Variants in RBFOX1 observed in about 807,000 individuals in gnomAD.
The protein encoded by RBFOX1 is RNA binding fox-1 homolog 1, also known as RNA binding protein fox-1 homolog 1.
RBFOX1 carries 8 observed loss-of-function variants against 57.7 expected under a neutral mutation model. That is an observed-to-expected ratio of 0.14 (90% CI 0.08 to 0.25). The LOEUF is 0.25. RBFOX1 is among the 10% of genes least tolerant of loss of function. The probability of loss-of-function intolerance (pLI) is 1.00; values close to 1 mark genes in which losing one functional copy is unlikely to be tolerated. For synonymous variants in RBFOX1, 326 were observed against 222.4 expected (o/e 1.47, Z -4.15); for missense variants, 611 against 548.5 (o/e 1.11, Z -1.14).
intron 4 of RBFOX1, among the ~76,000 whole-genome samples, chr16:7,200,903 A>T (rs1383045626): frequency 6.6e-6 from 1 of 152,194 alleles, no homozygotes; most frequent in South Asian, 2.1e-4. Context: ...TGTTCTAAGG[A>T]TAATGGAATA....
intron 3 of RBFOX1, among the ~76,000 whole-genome samples, chr16:5,663,000 C>G (rs2049708113): frequency 6.6e-6 from 1 of 152,092 alleles, no homozygotes; most frequent in African/African-American, 2.4e-5. Flanking sequence ...GGCAGGAGAG[C>G]AATTTTGCCT....
At chr16:6,854,507 C>A (rs1294919862) in intron 3 of RBFOX1, among the ~76,000 whole-genome samples, 1 of 151,400 alleles carries the variant, frequency 6.6e-6, no homozygotes, top group African/African-American at 2.4e-5. Context: ...TTGGGACTTT[C>A]TCTCAGGTTA....
chr16:5,353,984 C>G (rs1528322), intron 1 of RBFOX1, among the ~76,000 whole-genome samples: 120,061 of 151,976 alleles, frequency 0.79, 53,627 homozygotes, highest in East Asian at 1. Flanking sequence ...GGGCCACTAG[C>G]TCAGCTGGGG....
At chr16:5,695,027 C>T (rs748367625) in intron 3 of RBFOX1, among the ~76,000 whole-genome samples, 2 of 151,712 alleles carry the variant, frequency 1.3e-5, no homozygotes, top group Non-Finnish European at 2.9e-5. Flanking sequence ...TAAAACCATG[C>T]GACTTGAGAT....
At chr16:6,706,420 A>G (rs1282906740) in intron 3 of RBFOX1, among the ~76,000 whole-genome samples, 2 of 152,242 alleles carry the variant, frequency 1.3e-5, no homozygotes, top group Admixed American at 6.5e-5. Flanking sequence ...TTAATTTGGC[A>G]TGATAATTAG....
chr16:7,402,968 TCC>T (rs949131035), intron 4 of RBFOX1, among the ~76,000 whole-genome samples: 10 of 152,158 alleles, frequency 6.6e-5, no homozygotes, highest in Non-Finnish European at 1.3e-4. Flanking sequence ...TTGCAGTTTC[TCC>T]TCCAATCTGA....
intron 4 of RBFOX1, among the ~76,000 whole-genome samples, chr16:5,888,109 C>T (rs925817480): frequency 6.6e-6 from 1 of 152,208 alleles, no homozygotes; most frequent in Non-Finnish European, 1.5e-5. Flanking sequence ...CCTCTCAGAC[C>T]ACTTTCCACT....
At chr16:7,333,365 G>T (rs924764799) in intron 4 of RBFOX1, among the ~76,000 whole-genome samples, 10 of 152,178 alleles carry the variant, frequency 6.6e-5, no homozygotes, top group Admixed American at 1.3e-4. Context: ...TGACCACGGG[G>T]CAAAGGATTT....
intron 2 of RBFOX1, among the ~76,000 whole-genome samples, chr16:6,328,237 A>G (rs1266193251): frequency 6.6e-6 from 1 of 152,216 alleles, no homozygotes; most frequent in African/African-American, 2.4e-5. Flanking sequence ...ATGAGAATGC[A>G]AAGGCATAAG....
intron 4 of RBFOX1, among the ~76,000 whole-genome samples, chr16:7,362,717 G>A (rs1046398993): frequency 6.6e-6 from 1 of 152,116 alleles, no homozygotes; most frequent in Non-Finnish European, 1.5e-5. Context: ...GCATGCTAGT[G>A]TGTGCATGTT....
intron 1 of RBFOX1, among the ~76,000 whole-genome samples, chr16:5,370,223 A>G (rs921388916): frequency 5.9e-5 from 9 of 152,256 alleles, no homozygotes; most frequent in Admixed American, 2.0e-4. Flanking sequence ...GCAGAACCCA[A>G]TGGTGGGTCA....
intron 4 of RBFOX1, among the ~76,000 whole-genome samples, chr16:7,486,104 T>C (rs2065296815): frequency 6.7e-6 from 1 of 149,740 alleles, no homozygotes; most frequent in Non-Finnish European, 1.5e-5. Flanking sequence ...TGTGGGTATT[T>C]GTGTGTTTGT....
At chr16:6,897,839 T>C (rs921164475) in intron 3 of RBFOX1, among the ~76,000 whole-genome samples, 3 of 152,146 alleles carry the variant, frequency 2.0e-5, no homozygotes, top group Non-Finnish European at 4.4e-5. Context: ...TACAGAGCCC[T>C]GCAGTTTCTG....
intron 1 of RBFOX1, among the ~76,000 whole-genome samples, chr16:5,248,136 T>C (rs987550564): frequency 3.3e-5 from 5 of 152,206 alleles, no homozygotes; most frequent in African/African-American, 1.2e-4. Flanking sequence ...GCGCTGCCAC[T>C]CTGAGGGATG....
At chr16:7,208,068 C>A (rs1361554439) in intron 4 of RBFOX1, among the ~76,000 whole-genome samples, 1 of 152,194 alleles carries the variant, frequency 6.6e-6, no homozygotes, top group African/African-American at 2.4e-5. Context: ...AACATCAATC[C>A]TGCAACAGGG....
intron 2 of RBFOX1, among the ~76,000 whole-genome samples, chr16:5,534,223 G>A (rs777178618): frequency 6.6e-6 from 1 of 152,138 alleles, no homozygotes; most frequent in Non-Finnish European, 1.5e-5. Context: ...TGGGTGTTGG[G>A]ATTTGTCATC....
At position 6,519,853 on chromosome 16, in the gene RBFOX1, A is replaced by G. The variant is rs373555564; in HGVS notation, c.-63-134750A>G. On this transcript the variant is annotated intron_variant, in intron 2 of 15. Coordinates refer to ENST00000550418, the MANE Select transcript of RBFOX1 (RefSeq NM_018723.4). ...TTTCATAGGACTGAGGGTTAGCAAG[A>G]TGAAAGGACTTAACCAGAACTAAGG... is the stretch of plus-strand genomic sequence containing the variant. 9.2e-5 allele frequency among the ~76,000 whole-genome samples: 14 copies of G among 152,310 alleles called. No individual in the cohort carries two copies. The East Asian group carries it at 2.1e-3, about 23-fold the overall frequency.
intron 4 of RBFOX1, among the ~76,000 whole-genome samples, chr16:7,404,409 C>A (rs181180429): frequency 6.6e-6 from 1 of 152,148 alleles, no homozygotes; most frequent in Non-Finnish European, 1.5e-5. Flanking sequence ...AGGGACAGGC[C>A]TCCAAGCTTC....
At chr16:7,436,128 G>A (rs1462824934) in intron 4 of RBFOX1, among the ~76,000 whole-genome samples, 1 of 152,166 alleles carries the variant, frequency 6.6e-6, no homozygotes, top group Non-Finnish European at 1.5e-5. Context: ...TTGGAGGACA[G>A]ATTGGAAGTA....
Sources: gnomAD v4.1 joint callset for allele counts (sites outside exome capture counted in the v4.1 genomes callset) on GRCh38, gnomAD v4.1.1 for gene constraint, MANE v1.5 for transcripts, NCBI Gene and HGNC (gene_info 2026-07-23, HGNC 2026-07-21) for gene names.